CSMD1: variants seen among roughly 807,000 people sequenced by gnomAD.
The protein encoded by CSMD1 is CUB and sushi domain-containing protein 1.
In CSMD1, 213 loss-of-function variants were observed where a neutral mutation model predicts 417.5. That is an observed-to-expected ratio of 0.51 (90% CI 0.46 to 0.57). The LOEUF is 0.57. Ranked by LOEUF, CSMD1 falls within the 20% of genes least tolerant of loss-of-function variation. The pLI is 0.00. For synonymous variants in CSMD1, 2,862 were observed against 1,736.8 expected (o/e 1.65, Z -16.11); for missense variants, 6,923 against 4,529.7 (o/e 1.53, Z -15.17).
intron 1 of CSMD1, among the ~76,000 whole-genome samples, chr8:4,940,643 G>A (rs1357885030): frequency 2.0e-5 from 3 of 152,160 alleles, no homozygotes; most frequent in African/African-American, 4.8e-5. Context: ...GGCATTAGAG[G>A]TTCTTACGTT....
intron 3 of CSMD1, among the ~76,000 whole-genome samples, chr8:4,262,467 A>C (rs188492619): frequency 6.6e-6 from 1 of 152,170 alleles, no homozygotes; most frequent in Non-Finnish European, 1.5e-5. Context: ...GCAAAGACAG[A>C]TATTATATTT....
At chr8:3,163,973 C>T (rs1460404) in intron 37 of CSMD1, among the ~76,000 whole-genome samples, 45,832 of 152,096 alleles carry the variant, frequency 0.3, 9,387 homozygotes, top group African/African-American at 0.59. Context: ...TAACAGTACA[C>T]TTCCTCCACT....
chr8:3,100,262 C>G (rs1815635188), intron 46 of CSMD1, among the ~76,000 whole-genome samples: 1 of 152,156 alleles, frequency 6.6e-6, no homozygotes, highest in Admixed American at 6.5e-5. Context: ...CCATTTTGCC[C>G]AGGCTGGTCT....
chr8:3,110,181 A>T lies in CSMD1; in HGVS notation c.6585T>A (p.Ala2195=). Reference sequence around the variant, plus strand: ...ACCAAACAGCAATGTAATCGTTGACAGCTTCCGTCTGTAACAGGGTGAAGT... The same window carrying T: ...ACCAAACAGCAATGTAATCGTTGACTGCTTCCGTCTGTAACAGGGTGAAGT... ...YINFTLLQTE[A]VNDYIAVWDG... Residue 2195 remains alanine (A), a synonymous_variant, in exon 43 of 70, where the codon GCT becomes GCA. Transcript: ENST00000635120. The T allele has an allele frequency of 6.2e-7, 1 of 1,609,300 alleles. No homozygotes were observed. The highest frequency in any genetic ancestry group is 8.5e-7 in the Non-Finnish European group (1 of 1,178,088).
chr8:3,942,429 G>C (rs754679136), intron 5 of CSMD1, among the ~76,000 whole-genome samples: 1 of 152,002 alleles, frequency 6.6e-6, no homozygotes, highest in Non-Finnish European at 1.5e-5. Flanking sequence ...TTACATTTAT[G>C]GTACCTGAAC....
chr8:4,908,655 C>T (rs1036154304), intron 1 of CSMD1, among the ~76,000 whole-genome samples: 4 of 151,124 alleles, frequency 2.6e-5, no homozygotes, highest in African/African-American at 9.7e-5. Flanking sequence ...ATGAGTCCAC[C>T]AGACTCTTTT....
chr8:3,424,389 C>T (rs986289638), intron 12 of CSMD1, among the ~76,000 whole-genome samples: 1 of 152,200 alleles, frequency 6.6e-6, no homozygotes, highest in African/African-American at 2.4e-5. Flanking sequence ...CCAGTTACTG[C>T]ATTCATTGAG....
intron 18 of CSMD1, among the ~76,000 whole-genome samples, chr8:3,385,353 T>A (rs1810942599): frequency 6.6e-6 from 1 of 150,798 alleles, no homozygotes; most frequent in Admixed American, 6.7e-5. Flanking sequence ...GTTTTTGTGT[T>A]TTACCCTACA....
At chr8:4,911,994 G>A (rs1205630400) in intron 1 of CSMD1, among the ~76,000 whole-genome samples, 1 of 151,246 alleles carries the variant, frequency 6.6e-6, no homozygotes, top group Non-Finnish European at 1.5e-5. Flanking sequence ...CAAGAAGTAC[G>A]TACTCTTTTG....
intron 4 of CSMD1, among the ~76,000 whole-genome samples, chr8:4,018,514 A>T (rs914542012): frequency 1.3e-5 from 2 of 152,146 alleles, no homozygotes; most frequent in South Asian, 4.1e-4. Flanking sequence ...GCCAAAGCCC[A>T]GCAGCTTCCC....
chr8:3,568,827 A>G (rs921537358), intron 10 of CSMD1, among the ~76,000 whole-genome samples: 1 of 151,870 alleles, frequency 6.6e-6, no homozygotes, highest in African/African-American at 2.4e-5. Context: ...TCCAATGAAG[A>G]CCCTGGGGAT....
At chr8:3,856,006 T>C (rs1804283652) in intron 5 of CSMD1, among the ~76,000 whole-genome samples, 1 of 152,162 alleles carries the variant, frequency 6.6e-6, no homozygotes, top group Admixed American at 6.6e-5. Context: ...TTTTTTTGTT[T>C]TTTATATCTA....
At chr8:2,940,826 CT>C (rs1297239890) in intron 69 of CSMD1, among the ~76,000 whole-genome samples, 1 of 152,090 alleles carries the variant, frequency 6.6e-6, no homozygotes, top group Non-Finnish European at 1.5e-5. Context: ...AGACCTTTTC[CT>C]TGGGGTTAAT....
At chr8:4,311,797 C>A (rs1254703807) in intron 3 of CSMD1, among the ~76,000 whole-genome samples, 2 of 150,364 alleles carry the variant, frequency 1.3e-5, no homozygotes, top group Non-Finnish European at 2.9e-5. Context: ...GAACAACACA[C>A]ACTAGGGCCT....
chr8:4,142,134 T>C (rs1803829270), intron 3 of CSMD1, among the ~76,000 whole-genome samples: 1 of 151,212 alleles, frequency 6.6e-6, no homozygotes. Context: ...TATCCACATA[T>C]GTAAAACATA....
intron 5 of CSMD1, among the ~76,000 whole-genome samples, chr8:3,762,419 C>A (rs922884018): frequency 6.6e-5 from 10 of 152,200 alleles, no homozygotes; most frequent in South Asian, 6.2e-4. Flanking sequence ...TCTCCTGACA[C>A]GCCAGACTTA....
chr8:4,188,132 A>T (rs761306565), intron 3 of CSMD1, among the ~76,000 whole-genome samples: 1 of 152,160 alleles, frequency 6.6e-6, no homozygotes, highest in Non-Finnish European at 1.5e-5. Flanking sequence ...GTTTTAAGGT[A>T]CTGCCACACA....
At chr8:4,568,889 T>C (rs1330760649) in intron 2 of CSMD1, among the ~76,000 whole-genome samples, 5 of 152,246 alleles carry the variant, frequency 3.3e-5, no homozygotes, top group African/African-American at 4.8e-5. Flanking sequence ...GATCCTTTTT[T>C]TCATATGTTT....
At chr8:3,947,031 C>G (rs1351035089) in intron 5 of CSMD1, among the ~76,000 whole-genome samples, 1 of 152,030 alleles carries the variant, frequency 6.6e-6, no homozygotes, top group Non-Finnish European at 1.5e-5. Context: ...CTGTATTTTT[C>G]TTGTTCATGG....
Sources: allele counts gnomAD v4.1 joint callset (sites outside exome capture counted in the v4.1 genomes callset), GRCh38; gene constraint gnomAD v4.1.1; transcripts MANE v1.5; gene names NCBI Gene and HGNC (gene_info 2026-07-23, HGNC 2026-07-21).